AQP10: variants seen among roughly 807,000 people sequenced by gnomAD.
AQP10 encodes aquaporin-10.
In AQP10, 15 loss-of-function variants were observed where a neutral mutation model predicts 21.0. The observed-to-expected ratio is 0.71, with a 90% CI of 0.48 to 1.10. The LOEUF is 1.10. Ranked by LOEUF, AQP10 falls within the 50% of genes least tolerant of loss-of-function variation. The pLI is 0.00. For synonymous variants in AQP10, 143 were observed against 155.7 expected, an observed-to-expected ratio of 0.92 and a Z score of 0.61; for missense variants, 268 against 379.5, an observed-to-expected ratio of 0.71 and a Z score of 2.44.
chr1:154,322,910 T>C, intron 2 of AQP10, 72 bp from the exon 3 acceptor site: 1 of 1,577,174 alleles, frequency 6.3e-7, no homozygotes, highest in South Asian at 1.1e-5. Flanking sequence ...GAAGGAGCAG[T>C]AGTGTTGTCT....
chr1:154,323,073 G>T lies in AQP10; in HGVS notation c.324G>T (p.Leu108Phe). ...TCCCCATTTACATCTTGGTGCAGTT[G>T]CTGTCTGCTTTCTGTGCTTCGGGAG... ...VKLPIYILVQ[L>F]LSAFCASGAT... is the part of the protein sequence containing the mutation. The change falls in exon 3 of 6, where the codon TTG becomes TTT. Residue 108 changes from leucine (L) to phenylalanine (F), a missense_variant. Leu to Phe is a conservative substitution (Grantham distance 22). Around this residue, in one of 3 missense-constraint regions of AQP10, gnomAD observed 229 missense variants for 295.1 expected, o/e 0.78. Coordinates refer to ENST00000324978, the MANE Select transcript of AQP10 (RefSeq NM_080429.3). The surrounding 1 kb of genome is among the most constrained non-coding windows in gnomAD (Gnocchi z 4.5). The T allele has an allele frequency of 6.2e-7, 1 of 1,614,192 alleles. No homozygotes were observed. The highest frequency in any genetic ancestry group is 8.5e-7 in the Non-Finnish European group (1 of 1,180,030).
chr1:154,322,146 C>T, intron 2 of AQP10, 87 bp downstream of exon 2: 1 of 1,553,198 alleles, frequency 6.4e-7, no homozygotes, highest in Non-Finnish European at 8.7e-7. Context: ...GCAAATCCTT[C>T]TGTGACTCGT....
chr1:154,323,863 C>A lies in AQP10; in HGVS notation c.707+57C>A. On this transcript the variant is annotated intron_variant, in intron 5 of 5. Coordinates refer to ENST00000324978, the MANE Select transcript of AQP10 (RefSeq NM_080429.3). The surrounding 1 kb of genome is among the most constrained non-coding windows in gnomAD (Gnocchi z 4.5). ...CACTCACCTTCCTCTGCTAAGGGCT[C>A]TGTCCCTGGGTCCACAGCACTCTGC... 6.3e-7 allele frequency: 1 copy of A among 1,589,996 alleles called. No homozygotes were observed. Among genetic ancestry groups the A allele is most frequent in the Non-Finnish European group, 8.6e-7 (1 of 1,167,706 alleles).
In AQP10 at chr1:154,324,509, C is replaced by T. The variant is rs1184433308; in HGVS notation, c.*29C>T. ...GGACAACCCTCACTTCACTCATGGA[C>T]CCTGGAGCCAGCCACTGACCCCGCC... On this transcript the variant is annotated 3_prime_UTR_variant, in exon 6 of 6. Transcript: ENST00000324978. 6.3e-7 allele frequency: 1 copy of T among 1,596,944 alleles called. No individual in the cohort carries two copies. The highest frequency in any genetic ancestry group is 8.5e-7 in the Non-Finnish European group (1 of 1,170,718).
intron 2 of AQP10, 28 bp from the exon 3 acceptor site, chr1:154,322,954 G>A (rs1225025108): frequency 6.2e-7 from 1 of 1,613,906 alleles, no homozygotes. Context: ...CTTAATAGAT[G>A]CTCTTTTTCT....
In AQP10 at chr1:154,323,282, G is replaced by A. The variant is rs1001658320; in HGVS notation, c.412G>A (p.Gly138Ser). 1 of 1,614,174 alleles carries A rather than the reference G, an allele frequency of 6.2e-7. No individual in the cohort carries two copies. The highest frequency in any genetic ancestry group is 1.3e-5 in the African/African-American group (1 of 75,042). Reference protein sequence around the residue: ...NYTGGNLTVTGPKETASIFAT... With the variant: ...NYTGGNLTVTSPKETASIFAT... ...TACAGGTGGGAACCTGACAGTGACT[G>A]GCCCCAAGGAGACAGCCTCCATTTT... The change falls in exon 4 of 6, where the codon GGC becomes AGC. Residue 138 changes from glycine to serine, a missense_variant. This residue lies in a region of AQP10 where 229 missense variants were observed against 295.1 expected (regional missense o/e 0.78). Coordinates refer to ENST00000324978, the MANE Select transcript of AQP10 (RefSeq NM_080429.3). This position sits in a 1 kb window ranked among gnomAD's most constrained non-coding sequence, Gnocchi z 4.5.
intron 5 of AQP10, chr1:154,324,007 G>A (rs1685706382): frequency 6.9e-7 from 1 of 1,439,338 alleles, no homozygotes; most frequent in Non-Finnish European, 9.1e-7. Context: ...TAGAGGTTGT[G>A]TTCTTAGGCA....
intron 2 of AQP10, among the ~76,000 whole-genome samples, chr1:154,322,649 C>T (rs1316591064): frequency 6.6e-6 from 1 of 152,078 alleles, no homozygotes; most frequent in African/African-American, 2.4e-5. Context: ...CAGGCACCTG[C>T]TACCACGCCT....
chr1:154,323,121 T>A lies in AQP10; in HGVS notation c.370+2T>A. 1 of 1,614,152 alleles carries A rather than the reference T, an allele frequency of 6.2e-7. No individual in the cohort carries two copies. Among genetic ancestry groups the A allele is most frequent in the Non-Finnish European group, 8.5e-7 (1 of 1,180,022 alleles). ...GAGCCACCTATGTTCTCTACCATGG[T>A]GACAGAGGGAACAGAGGGAGCTGTG... On this transcript the variant is annotated splice_donor_variant, in intron 3 of 5. Coordinates refer to ENST00000324978, the MANE Select transcript of AQP10 (RefSeq NM_080429.3). LOFTEE classifies it high-confidence loss of function. The surrounding 1 kb of genome is among the most constrained non-coding windows in gnomAD (Gnocchi z 4.5).
intron 1 of AQP10, among the ~76,000 whole-genome samples, chr1:154,321,527 G>T (rs1685640816): frequency 6.6e-6 from 1 of 152,112 alleles, no homozygotes; most frequent in South Asian, 2.1e-4. Context: ...TTTTATGAAA[G>T]ACCATTTTCA....
rs1685693794 is a variant in AQP10, at chr1:154,323,575, C to T, written c.490-14C>T. On this transcript the variant is annotated splice_polypyrimidine_tract_variant and intron_variant, in intron 4 of 5. Coordinates refer to ENST00000324978, the MANE Select transcript of AQP10 (RefSeq NM_080429.3). This position sits in a 1 kb window ranked among gnomAD's most constrained non-coding sequence, Gnocchi z 4.5. ...GCAGCTGACAGGGAACCCTCTGCCT[C>T]TGTTGACTCCAAGGTTCTGGGCACT... is the stretch of plus-strand genomic sequence containing the variant. The T allele has an allele frequency of 1.2e-6, 2 of 1,608,774 alleles. No individual in the cohort carries two copies. The highest frequency in any genetic ancestry group is 2.7e-5 in the African/African-American group (2 of 74,836).
chr1:154,323,429 G>C lies in AQP10; in HGVS notation c.489+70G>C. On this transcript the variant is annotated intron_variant, in intron 4 of 5. Transcript: ENST00000324978. This position sits in a 1 kb window ranked among gnomAD's most constrained non-coding sequence, Gnocchi z 4.5. ...CCTCGGCACCCCAGCCTATTGTTCA[G>C]TCTCTGGGTGGAGTGTGGGTTGGGT... The C allele has an allele frequency of 6.5e-7, 1 of 1,540,936 alleles. No homozygotes were observed.
Position 154,324,520 on chromosome 1 carries a change from G to T in AQP10, c.*40G>T. On this transcript the variant is annotated 3_prime_UTR_variant, in exon 6 of 6. Coordinates refer to ENST00000324978, the MANE Select transcript of AQP10 (RefSeq NM_080429.3). ...ACTTCACTCATGGACCCTGGAGCCA[G>T]CCACTGACCCCGCCTGGGAACAACA... 6.3e-7 allele frequency: 1 copy of T among 1,583,664 alleles called. No individual in the cohort carries two copies.
At chr1:154,321,843 C>G in intron 1 of AQP10, 90 bp from the exon 2 acceptor site, 2 of 1,563,886 alleles carry the variant, frequency 1.3e-6, no homozygotes, top group South Asian at 1.2e-5. Flanking sequence ...TGTGCTCATT[C>G]ATCTCCTTGG....
Position 154,323,892 on chromosome 1 carries a change from TA to T in AQP10, c.707+90del. ...CCCTGGGTCCACAGCACTCTGCCTT[TA>T]AAATAGCTCTCTTGGCTTCTTAGGA... On this transcript the variant is annotated intron_variant, in intron 5 of 5. Coordinates refer to ENST00000324978, the MANE Select transcript of AQP10 (RefSeq NM_080429.3). The surrounding 1 kb of genome is among the most constrained non-coding windows in gnomAD (Gnocchi z 4.5). The T allele has an allele frequency of 6.5e-7, 1 of 1,547,686 alleles. No homozygotes were observed. Among genetic ancestry groups the T allele is most frequent in the Non-Finnish European group, 8.7e-7 (1 of 1,143,092 alleles).
rs1329490087 is a variant in AQP10 at position 154,322,508 on chromosome 1, C to CT, written c.232+458dup. 7.9e-3 allele frequency among the ~76,000 whole-genome samples: 673 copies of CT among 85,526 alleles called. 3 individuals are homozygous for CT. The highest frequency in any genetic ancestry group is 0.022 in the South Asian group (46 of 2,116). The allele number at this position is 85,526 out of a possible 152,430, so 56.1% of individuals were successfully genotyped here. ...CTTCTTCTTTTTTTTTTTTTTTTTT[C>CT]TTTTTTTTTGAGATGGAGTTTCACT... is the stretch of plus-strand genomic sequence containing the variant. On this transcript the variant is annotated intron_variant, in intron 2 of 5. Coordinates refer to ENST00000324978, the MANE Select transcript of AQP10 (RefSeq NM_080429.3).
rs768207751 is a variant in AQP10, at chr1:154,323,659, C to A, written c.560C>A (p.Ala187Glu). 1.9e-6 allele frequency: 3 copies of A among 1,614,188 alleles called. No individual in the cohort carries two copies. Among genetic ancestry groups the A allele is most frequent in the Non-Finnish European group, 2.5e-6 (3 of 1,180,016 alleles). Reference protein sequence around the residue: ...ILDRRNKGVPAGLEPVVVGML... With the variant: ...ILDRRNKGVPEGLEPVVVGML... ...GACAGACGGAACAAGGGAGTCCCTG[C>A]GGGTCTGGAGCCTGTGGTGGTGGGG... The change falls in exon 5 of 6, where the codon GCG (alanine) becomes GAG (glutamate). Residue 187 changes from alanine (A) to glutamate (E), a missense_variant. Ala to Glu is a moderately radical substitution (Grantham distance 107). Transcript: ENST00000324978. The surrounding 1 kb of genome is among the most constrained non-coding windows in gnomAD (Gnocchi z 4.5).
At chr1:154,322,922 G>A in intron 2 of AQP10, 60 bp from the exon 3 acceptor site, 21 of 1,604,834 alleles carry the variant, frequency 1.3e-5, no homozygotes, top group Non-Finnish European at 1.8e-5. Flanking sequence ...GTGTTGTCTG[G>A]TGACAATGCC....
intron 1 of AQP10, among the ~76,000 whole-genome samples, chr1:154,321,626 T>C (rs946338633): frequency 6.6e-6 from 1 of 152,216 alleles, no homozygotes; most frequent in African/African-American, 2.4e-5. Flanking sequence ...GCTTTTAAAA[T>C]TGGCTTTGAT....
Sources: gnomAD v4.1 joint callset for allele counts (sites outside exome capture counted in the v4.1 genomes callset) on GRCh38, gnomAD v4.1.1 for gene constraint, gnomAD v4.1.1 regional missense constraint, Gnocchi (gnomAD v3.1) non-coding constraint, MANE v1.5 for transcripts, NCBI Gene and HGNC (gene_info 2026-07-23, HGNC 2026-07-21) for gene names.